The following KPNA3 variants were observed in gnomAD, a reference collection of about 807,000 sequenced individuals.
KPNA3 encodes the protein importin subunit alpha-4.
A neutral mutation model predicts 73.8 loss-of-function variants in KPNA3; 13 were observed. The observed-to-expected ratio is 0.18, with a 90% CI of 0.11 to 0.28. The LOEUF (loss-of-function observed/expected upper bound fraction) is 0.28. Ranked by LOEUF, KPNA3 falls within the 10% of genes least tolerant of loss-of-function variation. The pLI is 1.00. For missense variants in KPNA3, 360 were observed against 618.1 expected (o/e 0.58, Z 4.43); for synonymous variants, 186 against 206.9 (o/e 0.90, Z 0.87).
Position 49,752,803 on chromosome 13 carries a change from C to T in KPNA3, c.70-5810G>A, listed in dbSNP as rs188748155. 1.2e-4 allele frequency among the ~76,000 whole-genome samples: 18 copies of T among 151,624 alleles called. No individual in the cohort carries two copies. The East Asian group carries it at 3.1e-3, about 26-fold the overall frequency. On this transcript the variant is annotated intron_variant, in intron 1 of 16. Transcript: ENST00000261667. ...CAGCACTTTGGGAGGCCGAGGCGGG[C>T]GGATCATGAGGTCAGGAGATCGAGA...
chr13:49,772,018 T>C (rs1954859899), intron 1 of KPNA3, among the ~76,000 whole-genome samples: 1 of 152,254 alleles, frequency 6.6e-6, no homozygotes, highest in African/African-American at 2.4e-5. Flanking sequence ...TTTTGTATAC[T>C]GATCTTGTAT....
intron 7 of KPNA3, among the ~76,000 whole-genome samples, chr13:49,723,452 C>T (rs956158317): frequency 6.6e-6 from 1 of 151,944 alleles, no homozygotes; most frequent in East Asian, 1.9e-4. Flanking sequence ...CGCCTGTAAT[C>T]CCAGCTACTT....
At chr13:49,763,821 CT>C (rs1327081537) in intron 1 of KPNA3, among the ~76,000 whole-genome samples, 1 of 152,010 alleles carries the variant, frequency 6.6e-6, no homozygotes, top group African/African-American at 2.4e-5. Context: ...AATCCCAGCA[CT>C]TTGGGAGGCT....
intron 1 of KPNA3, among the ~76,000 whole-genome samples, chr13:49,774,791 CTA>C (rs991051826): frequency 3.9e-5 from 6 of 152,278 alleles, no homozygotes; most frequent in Admixed American, 3.3e-4. Flanking sequence ...CTGCATGGAG[CTA>C]TGTCTAACGT....
chr13:49,783,974 T>A (rs1222773109), intron 1 of KPNA3, among the ~76,000 whole-genome samples: 1 of 152,218 alleles, frequency 6.6e-6, no homozygotes, highest in Non-Finnish European at 1.5e-5. Flanking sequence ...CAGTTTAGAC[T>A]GGGCTCAGTG....
chr13:49,719,655 A>G (rs1954337048), intron 10 of KPNA3, 120 bp downstream of exon 10: 1 of 737,596 alleles, frequency 1.4e-6, no homozygotes, highest in Admixed American at 2.7e-5. Flanking sequence ...CTATTTCTGA[A>G]AACTGTAAAT....
Position 49,709,694 on chromosome 13 carries a change from C to T in KPNA3, c.910G>A (p.Ala304Thr). 4.3e-6 allele frequency: 7 copies of T among 1,613,476 alleles called. No individual in the cohort carries two copies. The highest frequency in any genetic ancestry group is 5.9e-6 in the Non-Finnish European group (7 of 1,179,678). Residue 304 changes from alanine to threonine, a missense_variant, in exon 12 of 17, where the codon GCC (alanine) becomes ACC (threonine). Physicochemically the swap from Ala to Thr is moderately conservative, Grantham distance 58. This residue lies in a region of KPNA3 where 287 missense variants were observed against 549.1 expected (regional missense o/e 0.52). Coordinates refer to ENST00000261667, the MANE Select transcript of KPNA3 (RefSeq NM_002267.4). ...ACTATGTTGCCAACTGCTCTGAGGG[C>T]TGCTGTCTAGGGTGGGGATAAAATG... ...SHQEVKVQTA[A>T]LRAVGNIVTG...
In KPNA3 at chr13:49,701,177, C is replaced by G. The variant is rs1426713659; in HGVS notation, c.*623G>C. On this transcript the variant is annotated 3_prime_UTR_variant, in exon 17 of 17. Transcript: ENST00000261667. Reference sequence around the variant, plus strand: ...CTTCTGAGGCAGATAATAAACACATCAATTACTGGTAGATGAAGTAGTTTT... The same window carrying G: ...CTTCTGAGGCAGATAATAAACACATGAATTACTGGTAGATGAAGTAGTTTT... 6.0e-6 allele frequency: 1 copy of G among 165,898 alleles called. No individual in the cohort carries two copies. The highest frequency in any genetic ancestry group is 1.3e-5 in the Non-Finnish European group (1 of 76,606). 10.3% of individuals were successfully genotyped at this position (165,898 alleles called of 1,614,324 possible). A position where few individuals can be genotyped will look rare whatever the true frequency, so the allele number is the denominator to read the frequency against.
At position 49,721,957 on chromosome 13, in the gene KPNA3, C is replaced by T; in HGVS notation, c.724G>A (p.Glu242Lys). The T allele has an allele frequency of 6.4e-7, 1 of 1,565,990 alleles. No individual in the cohort carries two copies. The highest frequency in any genetic ancestry group is 2.3e-5 in the East Asian group (1 of 44,158). ...DPPPPMETVQ[E>K]ILPALCVLIY... ...GGCCTTTACAATTCTTCATTTACCT[C>T]CTGAACTGTCTCCATAGGCGGCGGG... Residue 242 changes from glutamate to lysine, a missense_variant and splice_region_variant, in exon 9 of 17, where the codon GAG becomes AAG. Coordinates refer to ENST00000261667, the MANE Select transcript of KPNA3 (RefSeq NM_002267.4).
At chr13:49,706,941 G>T (rs1466721649) in intron 12 of KPNA3, among the ~76,000 whole-genome samples, 1 of 151,886 alleles carries the variant, frequency 6.6e-6, no homozygotes, top group African/African-American at 2.4e-5. Flanking sequence ...AGTAGAGACG[G>T]GGTTTCACCG....
At chr13:49,724,452 C>T (rs1248730981) in intron 7 of KPNA3, among the ~76,000 whole-genome samples, 3 of 151,998 alleles carry the variant, frequency 2.0e-5, no homozygotes, top group Non-Finnish European at 2.9e-5. Flanking sequence ...TACAGGCGCC[C>T]GCCACCATGC....
chr13:49,755,917 T>C (rs1954707126), intron 1 of KPNA3, among the ~76,000 whole-genome samples: 1 of 152,170 alleles, frequency 6.6e-6, no homozygotes, highest in African/African-American at 2.4e-5. Context: ...GAATACAACA[T>C]AAAAATCAAT....
At chr13:49,747,274 G>A (rs1435218853) in intron 1 of KPNA3, among the ~76,000 whole-genome samples, 1 of 152,184 alleles carries the variant, frequency 6.6e-6, no homozygotes, top group Non-Finnish European at 1.5e-5. Context: ...GAACCCGGGA[G>A]GCGGGGGGAT....
chr13:49,739,513 A>C (rs1954554111), intron 2 of KPNA3, among the ~76,000 whole-genome samples: 1 of 152,228 alleles, frequency 6.6e-6, no homozygotes, highest in South Asian at 2.1e-4. Context: ...AAGCCTCTCT[A>C]AATTGGGAAG....
intron 15 of KPNA3, among the ~76,000 whole-genome samples, chr13:49,703,183 C>CTTTTTTTTT (rs35282756): frequency 9.2e-6 from 1 of 109,196 alleles, no homozygotes; most frequent in Non-Finnish European, 1.8e-5. Context: ...TTCTTTCTTT[C>CTTTTTTTTT]TTTTTTTTTT....
chr13:49,722,863 C>A (rs1304996454), intron 7 of KPNA3, among the ~76,000 whole-genome samples: 1 of 147,524 alleles, frequency 6.8e-6, no homozygotes, highest in African/African-American at 2.5e-5. Context: ...GAGTTCCTAC[C>A]CCAAACATGT....
intron 1 of KPNA3, among the ~76,000 whole-genome samples, chr13:49,773,485 T>C (rs1954872013): frequency 6.6e-6 from 1 of 152,192 alleles, no homozygotes; most frequent in Non-Finnish European, 1.5e-5. Flanking sequence ...AATACCATAT[T>C]ATGCACTTGG....
In KPNA3 at chr13:49,710,930, A is replaced by G. The variant is rs1198283555; in HGVS notation, c.864T>C (p.Phe288=). Residue 288 remains phenylalanine, a synonymous_variant, in exon 11 of 17, where the codon TTT becomes TTC. Transcript: ENST00000261667. ...CCTGATGGCTCAGAAGGGGCACAAGAAAGGGCACAACTCCTGAATCAATAA... is the reference window on the plus strand; with the variant it reads ...CCTGATGGCTCAGAAGGGGCACAAGGAAGGGCACAACTCCTGAATCAATAA... ...QMVIDSGVVP[F]LVPLLSHQEV... 1 of 1,613,968 alleles carries G rather than the reference A, an allele frequency of 6.2e-7. No individual in the cohort carries two copies. Among genetic ancestry groups the G allele is most frequent in the East Asian group, 2.2e-5 (1 of 44,860 alleles).
intron 6 of KPNA3, among the ~76,000 whole-genome samples, chr13:49,726,014 G>C (rs1954406134): frequency 6.6e-6 from 1 of 152,170 alleles, no homozygotes; most frequent in Non-Finnish European, 1.5e-5. Context: ...ATGTCCACTG[G>C]TATTACAACA....
Sources: allele counts gnomAD v4.1 joint callset (sites outside exome capture counted in the v4.1 genomes callset), GRCh38; gene constraint gnomAD v4.1.1; regional missense constraint gnomAD v4.1.1; transcripts MANE v1.5; gene names NCBI Gene and HGNC (gene_info 2026-07-23, HGNC 2026-07-21).